The following ARHGAP22 variants were observed in gnomAD, a reference collection of about 807,000 sequenced individuals.
The protein encoded by ARHGAP22 is Rho GTPase activating protein 22, also known as rho GTPase-activating protein 22.
Under a neutral mutation model 59.1 loss-of-function variants are expected in ARHGAP22, and 48 were observed. The observed-to-expected ratio is 0.81, with a 90% confidence interval of 0.64 to 1.03. ARHGAP22 has a LOEUF of 1.03. Ranked by LOEUF, ARHGAP22 falls within the 50% of genes least tolerant of loss-of-function variation. The probability of loss-of-function intolerance (pLI) is 0.00; values close to 1 mark genes in which losing one functional copy is unlikely to be tolerated. For synonymous variants in ARHGAP22, 445 were observed against 416.4 expected, an observed-to-expected ratio of 1.07 and a Z score of -0.84; for missense variants, 1,015 against 958.7, an observed-to-expected ratio of 1.06 and a Z score of -0.78.
At chr10:48,509,650 C>T (rs764460688) in intron 3 of ARHGAP22, among the ~76,000 whole-genome samples, 2 of 152,164 alleles carry the variant, frequency 1.3e-5, no homozygotes, top group Non-Finnish European at 1.5e-5. Flanking sequence ...CCCCCAGACT[C>T]GCTGGGCCCT....
At chr10:48,468,430 G>A (rs1564710488) in intron 4 of ARHGAP22, among the ~76,000 whole-genome samples, 1 of 152,316 alleles carries the variant, frequency 6.6e-6, no homozygotes, top group East Asian at 1.9e-4. Flanking sequence ...CAGAGGCAGA[G>A]ACTGCAGTGC....
At chr10:48,436,925 G>A in the ARHGAP22 span, 4 of 152,192 alleles carry the variant, frequency 2.6e-5, no homozygotes, top group African/African-American at 7.2e-5. Flanking sequence ...GAGAATGAGT[G>A]TGTTTATATT....
At chr10:48,543,756 AG>A (rs1829775511) in intron 3 of ARHGAP22, among the ~76,000 whole-genome samples, 1 of 152,202 alleles carries the variant, frequency 6.6e-6, no homozygotes, top group South Asian at 2.1e-4. Context: ...TTTGTTTTAA[AG>A]CAACACAACT....
At chr10:48,652,795 G>T (rs1354454586), upstream of ARHGAP22, among the ~76,000 whole-genome samples, 1 of 152,260 alleles carries the variant, frequency 6.6e-6, no homozygotes, top group South Asian at 2.1e-4. Flanking sequence ...GCCTTTGTCT[G>T]GTGGGCACAG....
intron 3 of ARHGAP22, among the ~76,000 whole-genome samples, chr10:48,497,866 G>A (rs1257505722): frequency 6.6e-6 from 1 of 152,176 alleles, no homozygotes; most frequent in Non-Finnish European, 1.5e-5. Context: ...TGACTCTGTC[G>A]CTGTCATGGG....
At chr10:48,430,066 A>C in the ARHGAP22 span, 1 of 152,192 alleles carries the variant, frequency 6.6e-6, no homozygotes, top group South Asian at 2.1e-4. Context: ...AGTAGACATT[A>C]AGAACCTTAA....
intron 3 of ARHGAP22, among the ~76,000 whole-genome samples, chr10:48,503,245 C>T (rs954271707): frequency 1.3e-5 from 2 of 152,154 alleles, no homozygotes; most frequent in Non-Finnish European, 2.9e-5. Context: ...CCGAAATGTT[C>T]AAGAGAGGGG....
At chr10:48,609,321 C>A (rs2135955665), upstream of ARHGAP22, among the ~76,000 whole-genome samples, 1 of 152,326 alleles carries the variant, frequency 6.6e-6, no homozygotes, top group South Asian at 2.1e-4. Flanking sequence ...GTGACTGCAT[C>A]CTGGCCATTA....
intron 3 of ARHGAP22, among the ~76,000 whole-genome samples, chr10:48,485,130 G>T (rs2134144278): frequency 6.6e-6 from 1 of 152,312 alleles, no homozygotes; most frequent in African/African-American, 2.4e-5. Context: ...CCTGCAGGTT[G>T]TAGGTTGCCG....
intron 5 of ARHGAP22, among the ~76,000 whole-genome samples, chr10:48,459,318 G>A (rs3867450): frequency 0.91 from 137,998 of 152,268 alleles, 63,935 homozygotes; most frequent in East Asian, 1. Flanking sequence ...TAGGTCACCG[G>A]AGGAAGCACG....
intron 1 of ARHGAP22, among the ~76,000 whole-genome samples, chr10:48,598,051 C>A (rs1252693352): frequency 6.6e-6 from 1 of 152,260 alleles, no homozygotes; most frequent in African/African-American, 2.4e-5. Flanking sequence ...CTCCAGCTGT[C>A]TGGGGCTACA....
intron 1 of ARHGAP22, among the ~76,000 whole-genome samples, chr10:48,643,917 G>T (rs2062177167): frequency 6.6e-6 from 1 of 152,160 alleles, no homozygotes; most frequent in Non-Finnish European, 1.5e-5. Flanking sequence ...GGAGGCCAAG[G>T]CAGGCAAATC....
chr10:48,553,191 G>A (rs547326779), intron 3 of ARHGAP22, among the ~76,000 whole-genome samples: 7 of 152,338 alleles, frequency 4.6e-5, no homozygotes, highest in African/African-American at 7.2e-5. Context: ...TAGCTGCGCC[G>A]CACTCTGCAA....
chr10:48,459,553 G>T, intron 5 of ARHGAP22, 131 bp downstream of exon 5: 1 of 1,038,134 alleles, frequency 9.6e-7, no homozygotes, highest in Non-Finnish European at 1.5e-6. Flanking sequence ...CCTACACTCT[G>T]CCCACTAGGA....
At chr10:48,600,754 T>A (rs1289026804) in intron 1 of ARHGAP22, among the ~76,000 whole-genome samples, 3 of 152,176 alleles carry the variant, frequency 2.0e-5, no homozygotes, top group Non-Finnish European at 2.9e-5. Context: ...GTTCTCTCCA[T>A]GGGGTGGAGT....
chr10:48,619,817 A>G (rs893391879), intron 1 of ARHGAP22, among the ~76,000 whole-genome samples: 2 of 152,218 alleles, frequency 1.3e-5, no homozygotes, highest in African/African-American at 4.8e-5. Context: ...GACCTCAAAC[A>G]CAAAGGCAGC....
intron 1 of ARHGAP22, among the ~76,000 whole-genome samples, chr10:48,646,537 G>A (rs998573464): frequency 2.6e-5 from 4 of 152,168 alleles, no homozygotes; most frequent in Non-Finnish European, 4.4e-5. Flanking sequence ...AATATTTGTG[G>A]CTAGCTGATA....
chr10:48,537,664 G>C (rs1021586743), intron 3 of ARHGAP22, among the ~76,000 whole-genome samples: 1 of 152,234 alleles, frequency 6.6e-6, no homozygotes, highest in African/African-American at 2.4e-5. Flanking sequence ...TCAAGGTGGC[G>C]CACACAGGGG....
intron 3 of ARHGAP22, among the ~76,000 whole-genome samples, chr10:48,501,241 T>C (rs2051489843): frequency 6.6e-6 from 1 of 152,206 alleles, no homozygotes. Flanking sequence ...GGGATGAAGG[T>C]GAGTGGCTGG....
Sources: allele counts gnomAD v4.1 joint callset (sites outside exome capture counted in the v4.1 genomes callset), GRCh38; gene constraint gnomAD v4.1.1; transcripts MANE v1.5; gene names NCBI Gene and HGNC (gene_info 2026-07-23, HGNC 2026-07-21).